The following DRG1 variants were observed in gnomAD, a reference collection of about 807,000 sequenced individuals.
DRG1 encodes the protein developmentally-regulated GTP-binding protein 1.
DRG1 carries 19 observed loss-of-function variants against 38.8 expected under a neutral mutation model. The observed-to-expected ratio is 0.49, with a 90% CI of 0.34 to 0.72. The LOEUF (loss-of-function observed/expected upper bound fraction) is 0.72, where lower values mean the gene tolerates loss of function less well. Ranked by LOEUF, DRG1 falls within the 30% of genes least tolerant of loss-of-function variation. The probability of loss-of-function intolerance (pLI) is 0.01; values close to 1 mark genes in which losing one functional copy is unlikely to be tolerated. For synonymous variants in DRG1, 167 were observed against 157.5 expected (o/e 1.06, Z -0.45); for missense variants, 299 against 444.8 (o/e 0.67, Z 2.95).
At chr22:31,423,942 G>A (rs9621255) in intron 6 of DRG1, among the ~76,000 whole-genome samples, 68,007 of 148,290 alleles carry the variant, frequency 0.46, 16,362 homozygotes, top group Middle Eastern at 0.57. Context: ...TCGGCTCACT[G>A]CAACCTCCAC....
chr22:31,411,146 A>T (rs372726813), intron 4 of DRG1, 65 bp downstream of exon 4: 3 of 1,554,320 alleles, frequency 1.9e-6, no homozygotes, highest in African/African-American at 2.7e-5. Flanking sequence ...TCTTTTAGTC[A>T]GGGACTACTT....
At chr22:31,431,035 C>CGGGGGT (rs2050136481) in intron 8 of DRG1, among the ~76,000 whole-genome samples, 1 of 56,764 alleles carries the variant, frequency 1.8e-5, no homozygotes, top group Non-Finnish European at 3.2e-5. Context: ...CCCCCCCCCG[C>CGGGGGT]TTTTTTTTTT....
chr22:31,428,046 C>G (rs1224854471), intron 8 of DRG1, among the ~76,000 whole-genome samples: 1 of 152,024 alleles, frequency 6.6e-6, no homozygotes, highest in Non-Finnish European at 1.5e-5. Context: ...GAGACGAGGT[C>G]TTGCTTTGTT....
intron 1 of DRG1, 32 bp downstream of exon 1, chr22:31,399,757 T>C: frequency 1.2e-6 from 2 of 1,613,930 alleles, no homozygotes; most frequent in Non-Finnish European, 1.7e-6. Flanking sequence ...TCACTCTTAG[T>C]CTGAGCATTC....
chr22:31,420,952 C>T (rs1027166425), intron 5 of DRG1, among the ~76,000 whole-genome samples: 3 of 151,886 alleles, frequency 2.0e-5, no homozygotes, highest in African/African-American at 4.8e-5. Context: ...GTTTTAAGAA[C>T]GTTGGTCAGG....
At position 31,420,368 on chromosome 22, in the gene DRG1, A is replaced by C. The variant is rs749827762; in HGVS notation, c.525A>C (p.Lys175Asn). ...LEGFGIRLNS[K>N]PPNIGFKKKD... Reference sequence around the variant, plus strand: ...GCTTTGGCATTCGCTTGAACAGCAAACCCCCCAACATTGGCTTTAAGAAGA... The same window carrying C: ...GCTTTGGCATTCGCTTGAACAGCAACCCCCCCAACATTGGCTTTAAGAAGA... Residue 175 changes from lysine (K) to asparagine (N), a missense_variant, in exon 5 of 9, where the codon AAA becomes AAC. Lys to Asn is a moderately conservative substitution (Grantham distance 94). Coordinates refer to ENST00000331457, the MANE Select transcript of DRG1 (RefSeq NM_004147.4). 6.2e-7 allele frequency: 1 copy of C among 1,614,004 alleles called. No individual in the cohort carries two copies. Among genetic ancestry groups the C allele is most frequent in the Non-Finnish European group, 8.5e-7 (1 of 1,180,020 alleles).
chr22:31,420,548 C>T (rs1052924619), intron 5 of DRG1, 123 bp downstream of exon 5: 1 of 1,190,966 alleles, frequency 8.4e-7, no homozygotes, highest in African/African-American at 1.5e-5. Context: ...TGAGATAACA[C>T]AATGACTTTA....
At chr22:31,427,582 T>C (rs930581021) in intron 8 of DRG1, among the ~76,000 whole-genome samples, 1 of 152,162 alleles carries the variant, frequency 6.6e-6, no homozygotes, top group South Asian at 2.1e-4. Context: ...AAAATTATTT[T>C]ATTTTTGCGA....
In DRG1 at chr22:31,403,012, A is replaced by G. The variant is rs552691561; in HGVS notation, c.167-17A>G. 435 of 1,599,806 alleles carry G rather than the reference A, an allele frequency of 2.7e-4. 11 individuals are homozygous for G. The South Asian group carries it at 4.4e-3, about 16-fold the overall frequency. On this transcript the variant is annotated splice_polypyrimidine_tract_variant and intron_variant, in intron 2 of 8. Coordinates refer to ENST00000331457, the MANE Select transcript of DRG1 (RefSeq NM_004147.4). ...GGGGGATAACTCTCCTCTTTTTGGT[A>G]TTCATTGATGTTTTAGGTTTTGATG... is the stretch of plus-strand genomic sequence containing the variant.
intron 3 of DRG1, among the ~76,000 whole-genome samples, chr22:31,407,897 G>A (rs538222816): frequency 1.5e-3 from 230 of 150,848 alleles, no homozygotes; most frequent in Middle Eastern, 0.01. Context: ...GAGGTGAGCG[G>A]ATCACCTGAG....
intron 8 of DRG1, among the ~76,000 whole-genome samples, chr22:31,433,419 C>T (rs1242683574): frequency 4.6e-5 from 7 of 151,748 alleles, no homozygotes; most frequent in Admixed American, 2.6e-4. Context: ...TACAGGCACC[C>T]GCCACCATGC....
At chr22:31,399,767 C>T (rs1051472129) in intron 1 of DRG1, 42 bp downstream of exon 1, 18 of 1,613,776 alleles carry the variant, frequency 1.1e-5, no homozygotes, top group Non-Finnish European at 1.5e-5. Flanking sequence ...TCTGAGCATT[C>T]CTTCTTTGGT....
At chr22:31,400,067 G>A (rs918852512) in intron 1 of DRG1, among the ~76,000 whole-genome samples, 6 of 152,010 alleles carry the variant, frequency 3.9e-5, no homozygotes, top group African/African-American at 1.5e-4. Context: ...GAGAAACACT[G>A]AATCCTGTCC....
chr22:31,400,575 A>G, intron 1 of DRG1, 45 bp from the exon 2 acceptor site: 1 of 1,597,220 alleles, frequency 6.3e-7, no homozygotes, highest in Non-Finnish European at 8.6e-7. Context: ...AGCTGGGGGA[A>G]GCGTTCACTG....
At chr22:31,402,221 C>T (rs1385289718) in intron 2 of DRG1, among the ~76,000 whole-genome samples, 1 of 151,774 alleles carries the variant, frequency 6.6e-6, no homozygotes, top group Non-Finnish European at 1.5e-5. Context: ...AAAGGAATGG[C>T]GTAAGATCTG....
chr22:31,423,420 G>T lies in DRG1; in HGVS notation c.713+10G>T, dbSNP rs1423758355. ...TGGTGGAAGGAAACAGGTACTGACT[G>T]AGTGTGCAGTCTGTGCCTGACTGAA... is the stretch of plus-strand genomic sequence containing the variant. On this transcript the variant is annotated intron_variant, in intron 6 of 8. Transcript: ENST00000331457. The T allele has an allele frequency of 6.2e-7, 1 of 1,613,316 alleles. No individual in the cohort carries two copies. The highest frequency in any genetic ancestry group is 8.5e-7 in the Non-Finnish European group (1 of 1,179,568).
chr22:31,400,626 C>G lies in DRG1; in HGVS notation c.49C>G (p.Arg17Gly), dbSNP rs1229776376. The change falls in exon 2 of 9, where the codon CGG (arginine) becomes GGG (glycine). Residue 17 changes from arginine to glycine, a missense_variant. Physicochemically the swap from Arg to Gly is moderately radical, Grantham distance 125. Around this residue, in one of 3 missense-constraint regions of DRG1, gnomAD observed 51 missense variants for 56.1 expected, o/e 0.91. Transcript: ENST00000331457. ...TGTGATTCCTCCCTTTTAGATGGCT[C>G]GGACTCAAAAGAACAAGGCCACAGC... ...KIAEIEAEMA[R>G]TQKNKATAHH... The G allele has an allele frequency of 1.2e-6, 2 of 1,612,630 alleles. No homozygotes were observed.
chr22:31,426,357 C>T (rs968367247), intron 6 of DRG1, among the ~76,000 whole-genome samples: 7 of 152,248 alleles, frequency 4.6e-5, no homozygotes, highest in African/African-American at 1.7e-4. Context: ...AGTCTGAGCA[C>T]TTCAAAGCTT....
rs975570022 is a variant in DRG1, at chr22:31,427,072, C to G, written c.894C>G (p.Pro298=). The change falls in exon 8 of 9, where the codon CCC becomes CCG. Residue 298 remains proline (P), a synonymous_variant. Transcript: ENST00000331457. ...CTCTCTATTCTAGTTACACCAAACC[C>G]AAAGGCCAGTTACCAGATTACACAT... is the stretch of plus-strand genomic sequence containing the variant. ...YLKLVRIYTK[P]KGQLPDYTSP... 6.2e-7 allele frequency: 1 copy of G among 1,613,926 alleles called. No individual in the cohort carries two copies. The highest frequency in any genetic ancestry group is 8.5e-7 in the Non-Finnish European group (1 of 1,179,908).
Sources: allele counts gnomAD v4.1 joint callset (sites outside exome capture counted in the v4.1 genomes callset), GRCh38; gene constraint gnomAD v4.1.1; regional missense constraint gnomAD v4.1.1; transcripts MANE v1.5; gene names NCBI Gene and HGNC (gene_info 2026-07-23, HGNC 2026-07-21).